Variants in DECR1 observed in about 807,000 individuals in gnomAD.
DECR1 encodes the protein 2,4-dienoyl-CoA reductase [(3E)-enoyl-CoA-producing], mitochondrial.
A neutral mutation model predicts 38.8 loss-of-function variants in DECR1; 44 were observed. The observed-to-expected ratio is 1.13, with a 90% CI of 0.89 to 1.46. The LOEUF is 1.46. Among genes scored for constraint, DECR1 ranks in the 40% most tolerant of loss-of-function variants. DECR1 has a pLI of 0.00. For synonymous variants in DECR1, 148 were observed against 135.2 expected (o/e 1.09, Z -0.66); for missense variants, 428 against 405.5 (o/e 1.06, Z -0.48).
chr8:90,018,231 C>A (rs1563626211), intron 2 of DECR1, among the ~76,000 whole-genome samples: 1 of 152,206 alleles, frequency 6.6e-6, no homozygotes, highest in Non-Finnish European at 1.5e-5. Context: ...TTCAAAATAT[C>A]TGTTATTGTG....
intron 5 of DECR1, among the ~76,000 whole-genome samples, 171 bp downstream of exon 5, chr8:90,021,227 A>ATGTTAC (rs1813155230): frequency 2.0e-5 from 3 of 152,268 alleles, no homozygotes; most frequent in East Asian, 3.8e-4. Flanking sequence ...TTTGAGCAGT[A>ATGTTAC]ATAAATATAT....
At chr8:90,003,261 C>G (rs1586129944) in intron 1 of DECR1, 2 of 152,204 alleles carry the variant, frequency 1.3e-5, no homozygotes, top group East Asian at 3.9e-4. Flanking sequence ...AATTAAAACC[C>G]CTAATTTGAA....
intron 6 of DECR1, among the ~76,000 whole-genome samples, chr8:90,038,714 C>T (rs369349267): frequency 1.3e-5 from 2 of 152,190 alleles, no homozygotes; most frequent in South Asian, 2.1e-4. Flanking sequence ...GAGTCTGGTC[C>T]GTAGCTGGTG....
chr8:90,028,680 C>G (rs1586153182), intron 5 of DECR1, among the ~76,000 whole-genome samples: 1 of 151,950 alleles, frequency 6.6e-6, no homozygotes, highest in East Asian at 1.9e-4. Context: ...ATTTTTACTT[C>G]CTTCTTTCCT....
chr8:90,023,321 A>G (rs778642214), intron 5 of DECR1, among the ~76,000 whole-genome samples: 19 of 152,170 alleles, frequency 1.2e-4, no homozygotes, highest in Non-Finnish European at 2.2e-4. Context: ...TAGAAATACA[A>G]TGGATTAGTT....
chr8:90,051,594 C>A, intron 8 of DECR1, 83 bp from the exon 9 acceptor site: 2 of 1,047,700 alleles, frequency 1.9e-6, no homozygotes, highest in Non-Finnish European at 2.9e-6. Context: ...ATATTCCATC[C>A]AATTAGTATG....
chr8:90,051,422 A>C (rs1300885308), intron 8 of DECR1, among the ~76,000 whole-genome samples: 3 of 152,174 alleles, frequency 2.0e-5, no homozygotes, highest in Non-Finnish European at 4.4e-5. Flanking sequence ...TAATAGATGC[A>C]GGTTACCTTG....
chr8:90,035,239 T>C (rs1035032927), intron 5 of DECR1, among the ~76,000 whole-genome samples: 1 of 152,194 alleles, frequency 6.6e-6, no homozygotes, highest in Non-Finnish European at 1.5e-5. Context: ...GCTTTCTGCA[T>C]TGTAAGTTAT....
intron 6 of DECR1, among the ~76,000 whole-genome samples, chr8:90,042,192 A>G (rs367655550): frequency 6.6e-6 from 1 of 152,256 alleles, no homozygotes; most frequent in East Asian, 1.9e-4. Context: ...TATATTTTCA[A>G]TCGATGTACT....
chr8:90,001,816 T>C (rs1812620351), intron 1 of DECR1, among the ~76,000 whole-genome samples: 1 of 146,950 alleles, frequency 6.8e-6, no homozygotes, highest in Non-Finnish European at 1.5e-5. Context: ...GACAGGGCGT[T>C]CTGGAGCGCT....
chr8:90,004,933 A>T (rs1054980787), intron 1 of DECR1, among the ~76,000 whole-genome samples: 1 of 152,208 alleles, frequency 6.6e-6, no homozygotes, highest in Non-Finnish European at 1.5e-5. Context: ...ACCAGCAGAC[A>T]TCAATAGACT....
intron 5 of DECR1, chr8:90,029,254 G>T (rs1433941122): frequency 6.6e-6 from 1 of 152,164 alleles, no homozygotes; most frequent in African/African-American, 2.4e-5. Flanking sequence ...AGGTGTAGAA[G>T]CCTCATGAAA....
intron 1 of DECR1, among the ~76,000 whole-genome samples, chr8:90,012,653 A>G (rs891899639): frequency 6.6e-6 from 1 of 152,216 alleles, no homozygotes; most frequent in Non-Finnish European, 1.5e-5. Flanking sequence ...ATTAAGTAAG[A>G]CAAGCATTTA....
chr8:90,047,040 C>G lies in DECR1; in HGVS notation c.885+2045C>G, dbSNP rs1296600684. Among the ~76,000 whole-genome samples the G allele has an allele frequency of 6.6e-5, 10 of 152,264 alleles. 1 individual carries two copies. In the South Asian group the frequency reaches 2.1e-3, roughly 32 times the overall value. ...AAGAACTCCTGAAGGAAGCACTAAA[C>G]ATGGAAAGGAACAACCGGTACCAGC... On this transcript the variant is annotated intron_variant, in intron 8 of 9. Coordinates refer to ENST00000220764, the MANE Select transcript of DECR1 (RefSeq NM_001359.2).
chr8:90,015,489 C>CT (rs1432028774), intron 1 of DECR1: 24 of 344,472 alleles, frequency 7.0e-5, no homozygotes, highest in Admixed American at 2.6e-4. Flanking sequence ...ATATTTGTTT[C>CT]TTTTTTTTCA....
rs1186930618 is a variant in DECR1 at position 90,018,952 on chromosome 8, C to G, written c.316C>G (p.Gln106Glu). The change falls in exon 3 of 10, where the codon CAA becomes GAA. Residue 106 changes from glutamine to glutamate, a missense_variant. Transcript: ENST00000220764. ...LKATAEQISS[Q>E]TGNKVHAIQC... ...AGCTACCGCAGAACAAATTTCTTCT[C>G]AAACTGGAAATAAGGTACATTAAAA... The G allele has an allele frequency of 2.5e-6, 4 of 1,593,756 alleles. No individual in the cohort carries two copies. The Admixed American group carries it at 6.8e-5, about 27-fold the overall frequency.
chr8:90,018,646 G>A (rs1813068765), intron 2 of DECR1: 1 of 339,432 alleles, frequency 2.9e-6, no homozygotes, highest in Non-Finnish European at 5.5e-6. Flanking sequence ...TGTAAACCTG[G>A]CTTATCAAGG....
At chr8:90,038,807 A>G (rs1813681417) in intron 6 of DECR1, among the ~76,000 whole-genome samples, 1 of 152,182 alleles carries the variant, frequency 6.6e-6, no homozygotes. Flanking sequence ...GTAAATACAC[A>G]TTAGTTTGAG....
chr8:90,052,030 G>A lies in DECR1; in HGVS notation c.*133G>A. ...TTCATTGAATATGTATTATGTGCCA[G>A]GCCAGTGATAGCCATTGTATATTCA... On this transcript the variant is annotated 3_prime_UTR_variant, in exon 10 of 10. Transcript: ENST00000220764. 1 of 720,266 alleles carries A rather than the reference G, an allele frequency of 1.4e-6. No homozygotes were observed. The highest frequency in any genetic ancestry group is 2.3e-6 in the Non-Finnish European group (1 of 432,318). 44.6% of individuals were successfully genotyped at this position (720,266 alleles called of 1,614,324 possible).
Sources: gnomAD v4.1 joint callset for allele counts (sites outside exome capture counted in the v4.1 genomes callset) on GRCh38, gnomAD v4.1.1 for gene constraint, MANE v1.5 for transcripts, NCBI Gene and HGNC (gene_info 2026-07-23, HGNC 2026-07-21) for gene names.